Variants in MARCHF2 observed in about 807,000 individuals in gnomAD.
MARCHF2 encodes the protein membrane associated ring-CH-type finger 2.
A neutral mutation model predicts 24.0 loss-of-function variants in MARCHF2; 22 were observed. That is an observed-to-expected ratio of 0.92 (90% CI 0.66 to 1.31). The LOEUF (loss-of-function observed/expected upper bound fraction) is 1.31. Ranked by LOEUF, MARCHF2 falls within the 50% of genes most tolerant of loss-of-function variation. The pLI is 0.00. For synonymous variants in MARCHF2, 154 were observed against 153.0 expected, an observed-to-expected ratio of 1.01 and a Z score of -0.05; for missense variants, 301 against 335.3, an observed-to-expected ratio of 0.90 and a Z score of 0.80.
Position 8,421,813 on chromosome 19 carries a change from C to T in MARCHF2, c.-28C>T. 6.3e-7 allele frequency: 1 copy of T among 1,583,022 alleles called. No homozygotes were observed. Among genetic ancestry groups the T allele is most frequent in the African/African-American group, 1.3e-5 (1 of 74,422 alleles). ...GGCTCCTGGAACCATGGGCCTCAGGCCCTGAGGATACGGGGCTCCCGGTGG... is the reference window on the plus strand; with the variant it reads ...GGCTCCTGGAACCATGGGCCTCAGGTCCTGAGGATACGGGGCTCCCGGTGG... On this transcript the variant is annotated 5_prime_UTR_variant, in exon 2 of 5. Transcript: ENST00000215555.
chr19:8,425,133 TG>T (rs946171741), intron 2 of MARCHF2, among the ~76,000 whole-genome samples: 19 of 151,674 alleles, frequency 1.3e-4, no homozygotes, highest in African/African-American at 4.4e-4. Context: ...CCCAGCACTT[TG>T]GGAGGCTGAG....
intron 4 of MARCHF2, among the ~76,000 whole-genome samples, chr19:8,435,410 C>T (rs1443823927): frequency 1.3e-5 from 2 of 152,088 alleles, no homozygotes; most frequent in Non-Finnish European, 2.9e-5. Context: ...GTATATCACC[C>T]TGCTCCATAC....
chr19:8,421,318 T>G (rs901771452), intron 1 of MARCHF2, among the ~76,000 whole-genome samples: 1 of 151,230 alleles, frequency 6.6e-6, no homozygotes, highest in Admixed American at 6.6e-5. Flanking sequence ...GAGATGGGGT[T>G]TCACTGTGTT....
At chr19:8,433,651 G>A (rs1163283336) in intron 4 of MARCHF2, among the ~76,000 whole-genome samples, 1 of 146,960 alleles carries the variant, frequency 6.8e-6, no homozygotes. Context: ...ACTCCAACCT[G>A]GGCAACAGAG....
In MARCHF2 at chr19:8,430,955, A is replaced by T; in HGVS notation, c.582+88A>T. ...GGATTTGGCCCCTGGCTTGTGGGGCACGGGGCTCCCTGGCTGCCTCTGTCT... is the reference window on the plus strand; with the variant it reads ...GGATTTGGCCCCTGGCTTGTGGGGCTCGGGGCTCCCTGGCTGCCTCTGTCT... On this transcript the variant is annotated intron_variant, in intron 4 of 4. Transcript: ENST00000215555. This position sits in a 1 kb window ranked among gnomAD's most constrained non-coding sequence, Gnocchi z 4.4. The T allele has an allele frequency of 7.4e-7, 1 of 1,347,046 alleles. No individual in the cohort carries two copies. Among genetic ancestry groups the T allele is most frequent in the Non-Finnish European group, 1.0e-6 (1 of 991,924 alleles). 83.4% of individuals were successfully genotyped at this position (1,347,046 alleles called of 1,614,324 possible). A position where few individuals can be genotyped will look rare whatever the true frequency, so the allele number is the denominator to read the frequency against.
At chr19:8,424,486 T>G (rs1967342289) in intron 2 of MARCHF2, among the ~76,000 whole-genome samples, 1 of 151,818 alleles carries the variant, frequency 6.6e-6, no homozygotes, top group Non-Finnish European at 1.5e-5. Flanking sequence ...GCTAACACGG[T>G]GAAACCCCGT....
chr19:8,420,050 C>G (rs1027795386), intron 1 of MARCHF2, among the ~76,000 whole-genome samples: 3 of 149,658 alleles, frequency 2.0e-5, no homozygotes, highest in African/African-American at 7.4e-5. Flanking sequence ...CCCAGCTACT[C>G]AGGAGGCTGA....
rs1555692153 is a variant in MARCHF2 at position 8,415,730 on chromosome 19, A to AAC, written c.-53+2311_-53+2312insCA. On this transcript the variant is annotated intron_variant, in intron 1 of 4. Coordinates refer to ENST00000215555, the MANE Select transcript of MARCHF2 (RefSeq NM_001005415.2). ...GAGTGAAACTCCATCTCAAAAAAAA[A>AAC]AAAACAAAAAAAACAAAAAAAAAAA... Among the ~76,000 whole-genome samples the AAC allele has an allele frequency of 3.3e-5, 3 of 90,570 alleles. 1 individual carries two copies. Among genetic ancestry groups the AAC allele is most frequent in the South Asian group, 3.9e-4 (1 of 2,592 alleles). 59.4% of individuals were successfully genotyped at this position (90,570 alleles called of 152,430 possible).
chr19:8,421,676 T>C, intron 1 of MARCHF2, 113 bp from the exon 2 acceptor site: 2 of 558,460 alleles, frequency 3.6e-6, no homozygotes, highest in Non-Finnish European at 6.1e-6. Flanking sequence ...AAACTGAGGC[T>C]CAGAGATGTA....
chr19:8,419,677 G>C (rs1057017979), intron 1 of MARCHF2, among the ~76,000 whole-genome samples: 2 of 148,376 alleles, frequency 1.3e-5, no homozygotes, highest in African/African-American at 5.0e-5. Flanking sequence ...TTAGCCGGGC[G>C]TGGTGGCGGG....
intron 4 of MARCHF2, among the ~76,000 whole-genome samples, chr19:8,431,432 G>A (rs1967579991): frequency 7.6e-6 from 1 of 130,922 alleles, no homozygotes; most frequent in Non-Finnish European, 1.5e-5. Context: ...GGGAGGCGGA[G>A]GTTGCAGTAA....
chr19:8,414,763 G>A (rs896456970), intron 1 of MARCHF2, among the ~76,000 whole-genome samples: 1 of 152,162 alleles, frequency 6.6e-6, no homozygotes, highest in African/African-American at 2.4e-5. Context: ...AACAAGCCTA[G>A]CTAAGGGTGA....
intron 3 of MARCHF2, among the ~76,000 whole-genome samples, chr19:8,429,471 TGAAA>T (rs773473687): frequency 1.8e-4 from 26 of 141,266 alleles, no homozygotes; most frequent in Non-Finnish European, 3.7e-4. Flanking sequence ...ATCAAAGAAA[TGAAA>T]GAACTTATTA....
intron 4 of MARCHF2, among the ~76,000 whole-genome samples, chr19:8,436,024 A>G (rs941901142): frequency 6.6e-6 from 1 of 151,866 alleles, no homozygotes; most frequent in Non-Finnish European, 1.5e-5. Flanking sequence ...CGCCTGGCTA[A>G]TTTTTGTATT....
chr19:8,426,054 C>T (rs1471039850), intron 2 of MARCHF2, among the ~76,000 whole-genome samples: 1 of 151,240 alleles, frequency 6.6e-6, no homozygotes, highest in East Asian at 2.0e-4. Flanking sequence ...GGTGAAACCC[C>T]GTCTCTACTA....
chr19:8,415,739 A>AAAC (rs1555692167), intron 1 of MARCHF2, among the ~76,000 whole-genome samples: 16 of 96,836 alleles, frequency 1.7e-4, no homozygotes, highest in African/African-American at 4.8e-4. Flanking sequence ...AAAAAACAAA[A>AAAC]AAAACAAAAA....
rs1041840952 is a variant in MARCHF2, at chr19:8,430,088, G to T, written c.373-570G>T. Among the ~76,000 whole-genome samples, 2 of 152,066 alleles carry T rather than the reference G, an allele frequency of 1.3e-5. No individual in the cohort carries two copies. The highest frequency in any genetic ancestry group is 2.4e-5 in the African/African-American group (1 of 41,404). On this transcript the variant is annotated intron_variant, in intron 3 of 4. Transcript: ENST00000215555. This position sits in a 1 kb window ranked among gnomAD's most constrained non-coding sequence, Gnocchi z 4.4. ...ATGTTTGAAAGAAGGAAAGGGCCAG[G>T]CGTGGTGGCTCACACCTGTAATCCC...
chr19:8,438,169 G>T (rs1392355662), intron 4 of MARCHF2, among the ~76,000 whole-genome samples: 1 of 152,128 alleles, frequency 6.6e-6, no homozygotes, highest in African/African-American at 2.4e-5. Flanking sequence ...TGTGTGGGGT[G>T]TATCTTGTCT....
At chr19:8,424,002 AAG>A (rs1204309448) in intron 2 of MARCHF2, among the ~76,000 whole-genome samples, 3,615 of 149,852 alleles carry the variant, frequency 0.024, 152 homozygotes, top group African/African-American at 0.086. Flanking sequence ...AAAAAAAAAA[AAG>A]AAAGAAAAAA....
Sources: gnomAD v4.1 joint callset for allele counts (sites outside exome capture counted in the v4.1 genomes callset) on GRCh38, gnomAD v4.1.1 for gene constraint, Gnocchi (gnomAD v3.1) non-coding constraint, MANE v1.5 for transcripts, NCBI Gene and HGNC (gene_info 2026-07-23, HGNC 2026-07-21) for gene names.